The following SAMD12 variants were observed in gnomAD, a reference collection of about 807,000 sequenced individuals.
SAMD12 encodes sterile alpha motif domain-containing protein 12.
Under a neutral mutation model 15.0 loss-of-function variants are expected in SAMD12, and 9 were observed. The ratio of observed to expected loss-of-function variants is 0.60; its 90% CI spans 0.36 to 1.05. The LOEUF (loss-of-function observed/expected upper bound fraction) is 1.05, where lower values mean the gene tolerates loss of function less well. SAMD12 is among the 50% of genes least tolerant of loss of function. The probability of loss-of-function intolerance (pLI) is 0.01; values close to 1 mark genes in which losing one functional copy is unlikely to be tolerated. For missense variants in SAMD12, 230 were observed against 234.2 expected (o/e 0.98, Z 0.12); for synonymous variants, 86 against 90.1 (o/e 0.96, Z 0.25).
Position 118,621,962 on chromosome 8 carries a change from G to A in SAMD12, c.-146C>T, listed in dbSNP as rs548497238. 12 of 999,022 alleles carry A rather than the reference G, an allele frequency of 1.2e-5. No homozygotes were observed. In the South Asian group the frequency reaches 1.3e-4, roughly 11 times the overall value. The allele number at this position is 999,022 out of a possible 1,614,324, so 61.9% of individuals were successfully genotyped here. On this transcript the variant is annotated 5_prime_UTR_variant, in exon 1 of 4. Transcript: ENST00000314727. The stretch of plus-strand genomic sequence containing the variant: ...ACCTGCCGCGGTCACGCAAAGCGAG[G>A]CAGCCGGCTCCCGGCTCGGCGCGCG...
At chr8:118,530,890 G>A (rs1251762431) in intron 2 of SAMD12, among the ~76,000 whole-genome samples, 1 of 152,170 alleles carries the variant, frequency 6.6e-6, no homozygotes, top group Non-Finnish European at 1.5e-5. Context: ...AGCCCAGGCT[G>A]GAGTGCAGTG....
chr8:118,268,544 G>A (rs1190320796), intron 4 of SAMD12, among the ~76,000 whole-genome samples: 1 of 152,142 alleles, frequency 6.6e-6, no homozygotes, highest in Non-Finnish European at 1.5e-5. Context: ...GCCTGGCGTG[G>A]TGGCTCACAT....
At chr8:118,427,646 G>C (rs992014622) in intron 3 of SAMD12, among the ~76,000 whole-genome samples, 1 of 152,180 alleles carries the variant, frequency 6.6e-6, no homozygotes, top group African/African-American at 2.4e-5. Flanking sequence ...TTATAGTTGA[G>C]TAGAGGTTTT....
chr8:118,554,582 C>T (rs146603827), intron 2 of SAMD12, among the ~76,000 whole-genome samples: 2,560 of 151,324 alleles, frequency 0.017, 76 homozygotes, highest in African/African-American at 0.059. Context: ...TGCTAGATGA[C>T]GAGTTACTGG....
chr8:118,500,781 G>A (rs1824761775), intron 2 of SAMD12, among the ~76,000 whole-genome samples: 1 of 152,150 alleles, frequency 6.6e-6, no homozygotes, highest in Admixed American at 6.5e-5. Flanking sequence ...ACTCCAGCCT[G>A]GGCGACAGAG....
intron 1 of SAMD12, among the ~76,000 whole-genome samples, chr8:118,610,496 A>T (rs1042058589): frequency 5.9e-5 from 9 of 152,342 alleles, no homozygotes; most frequent in South Asian, 2.1e-4. Context: ...AAAATTAGTT[A>T]TCTTCTCTGG....
chr8:118,435,354 A>T (rs891841281), intron 3 of SAMD12, among the ~76,000 whole-genome samples: 25 of 152,130 alleles, frequency 1.6e-4, no homozygotes, highest in Non-Finnish European at 2.2e-4. Flanking sequence ...GAACCTAATT[A>T]AAAAAATTAA....
chr8:118,149,714 A>C, the SAMD12 span, among the ~76,000 whole-genome samples: 1 of 152,082 alleles, frequency 6.6e-6, no homozygotes, highest in Admixed American at 6.5e-5. Flanking sequence ...TAAGTTCTGC[A>C]TTTATGCCCA....
At chr8:118,517,277 A>G (rs1457087130) in intron 2 of SAMD12, among the ~76,000 whole-genome samples, 2 of 152,228 alleles carry the variant, frequency 1.3e-5, no homozygotes, top group Non-Finnish European at 2.9e-5. Context: ...AGATTACATC[A>G]GTGCTCTGGG....
At chr8:118,472,762 G>A (rs926238853) in intron 2 of SAMD12, among the ~76,000 whole-genome samples, 7 of 136,876 alleles carry the variant, frequency 5.1e-5, no homozygotes, top group Non-Finnish European at 8.3e-5. Flanking sequence ...CCTAATAGAA[G>A]AAAGTGGCTG....
intron 1 of SAMD12, among the ~76,000 whole-genome samples, chr8:118,613,501 G>A (rs1202409858): frequency 1.3e-5 from 2 of 152,124 alleles, no homozygotes; most frequent in African/African-American, 2.4e-5. Context: ...TATCATACTT[G>A]ACTTTTCATA....
downstream of SAMD12, among the ~76,000 whole-genome samples, chr8:118,188,187 G>C (rs1469936923): frequency 6.6e-6 from 1 of 152,126 alleles, no homozygotes; most frequent in Non-Finnish European, 1.5e-5. Flanking sequence ...GTTAAAGGCA[G>C]AGGACTAACA....
intron 1 of SAMD12, among the ~76,000 whole-genome samples, chr8:118,613,312 TAGTG>T (rs1828153047): frequency 1.3e-5 from 2 of 152,304 alleles, no homozygotes; most frequent in African/African-American, 4.8e-5. Flanking sequence ...TCAAAATTAA[TAGTG>T]AGTTTCAATG....
downstream of SAMD12, among the ~76,000 whole-genome samples, chr8:118,189,067 G>A (rs17451866): frequency 1.1e-4 from 16 of 152,212 alleles, 1 homozygote; most frequent in African/African-American, 3.1e-4. Flanking sequence ...AGAGGAAATC[G>A]GTGGGCCAAG....
intron 3 of SAMD12, among the ~76,000 whole-genome samples, chr8:118,439,508 T>TA (rs1199710311): frequency 1.3e-5 from 2 of 152,218 alleles, no homozygotes; most frequent in African/African-American, 4.8e-5. Flanking sequence ...AGTGATCCTG[T>TA]AGCCAAGTTC....
At chr8:118,510,358 A>G (rs1825045344) in intron 2 of SAMD12, among the ~76,000 whole-genome samples, 1 of 152,212 alleles carries the variant, frequency 6.6e-6, no homozygotes. Context: ...GATACAGATC[A>G]CACTCTGAGA....
intron 1 of SAMD12, among the ~76,000 whole-genome samples, chr8:118,590,577 G>A (rs1238703734): frequency 6.6e-6 from 1 of 152,254 alleles, no homozygotes; most frequent in Non-Finnish European, 1.5e-5. Flanking sequence ...AACTGAGATT[G>A]AGCGGGGAAC....
intron 2 of SAMD12, among the ~76,000 whole-genome samples, chr8:118,500,045 G>A (rs1057374920): frequency 2.8e-5 from 4 of 142,210 alleles, no homozygotes; most frequent in Non-Finnish European, 4.6e-5. Flanking sequence ...TGCTCCCCAG[G>A]ATACACGCCC....
At chr8:118,253,802 G>A (rs890574092) in intron 4 of SAMD12, among the ~76,000 whole-genome samples, 2 of 152,150 alleles carry the variant, frequency 1.3e-5, no homozygotes, top group East Asian at 3.9e-4. Flanking sequence ...CAACACAGAG[G>A]TGATTTCTGC....
Sources: gnomAD v4.1 joint callset for allele counts (sites outside exome capture counted in the v4.1 genomes callset) on GRCh38, gnomAD v4.1.1 for gene constraint, MANE v1.5 for transcripts, NCBI Gene and HGNC (gene_info 2026-07-23, HGNC 2026-07-21) for gene names.